The following TP63 variants were observed in gnomAD, a reference collection of about 807,000 sequenced individuals.
TP63 encodes tumor protein 63.
A neutral mutation model predicts 82.8 loss-of-function variants in TP63; 17 were observed. The ratio of observed to expected loss-of-function variants is 0.21; its 90% CI spans 0.14 to 0.31. The LOEUF (loss-of-function observed/expected upper bound fraction) is 0.31, where lower values mean the gene tolerates loss of function less well. Among genes scored for constraint, TP63 ranks in the 10% least tolerant of loss-of-function variants. The pLI, the probability that TP63 is intolerant of heterozygous loss-of-function variation, is 1.00. For missense variants in TP63, 648 were observed against 895.3 expected, an observed-to-expected ratio of 0.72 and a Z score of 3.52; for synonymous variants, 330 against 321.7, an observed-to-expected ratio of 1.03 and a Z score of -0.28.
At chr3:189,783,768 A>G (rs1451618559) in intron 3 of TP63, among the ~76,000 whole-genome samples, 2 of 151,924 alleles carry the variant, frequency 1.3e-5, no homozygotes, top group Non-Finnish European at 2.9e-5. Flanking sequence ...TAATATCAAA[A>G]TGAAATATTT....
intron 10 of TP63, among the ~76,000 whole-genome samples, chr3:189,876,619 T>C (rs1256985372): frequency 6.6e-6 from 1 of 152,166 alleles, no homozygotes; most frequent in Non-Finnish European, 1.5e-5. Flanking sequence ...GACTGCAAAA[T>C]TAAATCTTTG....
chr3:189,726,649 G>C (rs1363270597), intron 1 of TP63, among the ~76,000 whole-genome samples: 1 of 152,184 alleles, frequency 6.6e-6, no homozygotes, highest in African/African-American at 2.4e-5. Context: ...AATCAGGTGT[G>C]AACCGAGGAT....
In TP63 at chr3:189,737,881, C is replaced by T. The variant is rs1720710113; in HGVS notation, c.191+13C>T. On this transcript the variant is annotated intron_variant, in intron 2 of 13. Coordinates refer to ENST00000264731, the MANE Select transcript of TP63 (RefSeq NM_003722.5). ...ATTTTCTGGAACAGTAAGTATAAAA[C>T]AAGCAAGAAATGTTTTGCTTGAGCT... The T allele has an allele frequency of 3.7e-6, 6 of 1,613,668 alleles. No homozygotes were observed. Among genetic ancestry groups the T allele is most frequent in the Non-Finnish European group, 5.1e-6 (6 of 1,179,732 alleles).
intron 4 of TP63, among the ~76,000 whole-genome samples, chr3:189,841,798 A>G (rs1271859752): frequency 1.3e-5 from 2 of 152,226 alleles, no homozygotes; most frequent in Non-Finnish European, 2.9e-5. Context: ...GTGGAAGCAT[A>G]GACAATAACT....
chr3:189,888,212 T>C (rs1377387184), intron 11 of TP63, among the ~76,000 whole-genome samples: 1 of 152,218 alleles, frequency 6.6e-6, no homozygotes, highest in African/African-American at 2.4e-5. Flanking sequence ...GGTTGCCTGT[T>C]ATGGCAAACG....
Position 189,889,426 on chromosome 3 carries a change from C to T in TP63, c.1594C>T (p.Pro532Ser). The part of the protein sequence containing the change: ...TQALPPPLSM[P>S]STSHCTPPPP... ...GGCACTCCCTCCCCCACTCTCCATG[C>T]CATCCACCTCCCACTGCACACCCCC... Residue 532 changes from proline to serine, a missense_variant, in exon 12 of 14, where the codon CCA (proline) becomes TCA (serine). Physicochemically the swap from Pro to Ser is moderately conservative, Grantham distance 74. Transcript: ENST00000264731. 6.2e-7 allele frequency: 1 copy of T among 1,614,076 alleles called. No individual in the cohort carries two copies. The highest frequency in any genetic ancestry group is 1.1e-5 in the South Asian group (1 of 91,066).
intron 1 of TP63, among the ~76,000 whole-genome samples, chr3:189,698,353 G>A (rs936216667): frequency 5.3e-5 from 8 of 152,010 alleles, no homozygotes; most frequent in African/African-American, 1.9e-4. Flanking sequence ...ACATTGAAAT[G>A]TCACTAGAAA....
At chr3:189,790,662 GT>G (rs1490631651) in intron 3 of TP63, among the ~76,000 whole-genome samples, 1 of 152,020 alleles carries the variant, frequency 6.6e-6, no homozygotes, top group Non-Finnish European at 1.5e-5. Flanking sequence ...AACAATATTA[GT>G]TTACATTCCT....
At chr3:189,699,596 A>G (rs542533099) in intron 1 of TP63, among the ~76,000 whole-genome samples, 2 of 152,340 alleles carry the variant, frequency 1.3e-5, no homozygotes, top group Admixed American at 1.3e-4. Context: ...ACTAAATACT[A>G]GGAAAGTAGG....
At chr3:189,856,900 A>T (rs112844462) in intron 4 of TP63, among the ~76,000 whole-genome samples, 47 of 152,228 alleles carry the variant, frequency 3.1e-4, no homozygotes, top group African/African-American at 1.1e-3. Context: ...GAGAGATATC[A>T]TATGCTCATG....
intron 1 of TP63, among the ~76,000 whole-genome samples, chr3:189,638,677 A>G (rs1432195345): frequency 6.6e-6 from 1 of 152,122 alleles, no homozygotes; most frequent in African/African-American, 2.4e-5. Context: ...TGTAAACTGT[A>G]AGACAATTTT....
chr3:189,676,930 C>T (rs967800400), intron 1 of TP63, among the ~76,000 whole-genome samples: 2 of 151,970 alleles, frequency 1.3e-5, no homozygotes, highest in Non-Finnish European at 2.9e-5. Flanking sequence ...GTTTGGACTC[C>T]TGGTATACAT....
intron 1 of TP63, among the ~76,000 whole-genome samples, chr3:189,665,165 G>A (rs752768147): frequency 2.0e-5 from 3 of 151,992 alleles, no homozygotes; most frequent in East Asian, 1.9e-4. Flanking sequence ...ACTACCACCC[G>A]TGGTTTTCTT....
At chr3:189,882,868 G>C (rs796087075) in intron 10 of TP63, among the ~76,000 whole-genome samples, 7 of 152,260 alleles carry the variant, frequency 4.6e-5, no homozygotes, top group African/African-American at 1.7e-4. Flanking sequence ...TAAGAACTGG[G>C]ACTTGGCTCC....
intron 4 of TP63, among the ~76,000 whole-genome samples, chr3:189,820,269 A>G (rs1205017104): frequency 6.6e-6 from 1 of 152,222 alleles, no homozygotes; most frequent in East Asian, 1.9e-4. Context: ...ACAAGGAACT[A>G]TAGACTTCTT....
chr3:189,797,020 G>T (rs986202786), intron 3 of TP63, among the ~76,000 whole-genome samples: 1 of 152,020 alleles, frequency 6.6e-6, no homozygotes, highest in African/African-American at 2.4e-5. Context: ...AGCACATGTT[G>T]GTTCTAGGTG....
intron 4 of TP63, among the ~76,000 whole-genome samples, chr3:189,850,412 TTAAA>T (rs1715474194): frequency 6.6e-6 from 1 of 152,224 alleles, no homozygotes; most frequent in African/African-American, 2.4e-5. Context: ...AATCTTTTCC[TTAAA>T]TAAAATATAA....
chr3:189,839,555 C>T (rs561789050), intron 4 of TP63, among the ~76,000 whole-genome samples: 19 of 152,264 alleles, frequency 1.2e-4, no homozygotes, highest in Middle Eastern at 3.4e-3. Context: ...CACCCCAAAA[C>T]GTATCTTCTT....
chr3:189,773,159 A>G (rs1211149033), intron 3 of TP63, among the ~76,000 whole-genome samples: 1 of 152,212 alleles, frequency 6.6e-6, no homozygotes, highest in African/African-American at 2.4e-5. Context: ...AATGTTTTGT[A>G]TGCACTTTCT....
Sources: gnomAD v4.1 joint callset for allele counts (sites outside exome capture counted in the v4.1 genomes callset) on GRCh38, gnomAD v4.1.1 for gene constraint, MANE v1.5 for transcripts, NCBI Gene and HGNC (gene_info 2026-07-23, HGNC 2026-07-21) for gene names.